The following SLC39A9 variants were observed in gnomAD, a reference collection of about 807,000 sequenced individuals.
SLC39A9 encodes solute carrier family 39 member 9, also known as zinc transporter ZIP9.
A neutral mutation model predicts 28.4 loss-of-function variants in SLC39A9; 14 were observed. That is an observed-to-expected ratio of 0.49 (90% CI 0.33 to 0.77). The LOEUF is 0.77. Among genes scored for constraint, SLC39A9 ranks in the 30% least tolerant of loss-of-function variants. The pLI is 0.02. For synonymous variants in SLC39A9, 119 were observed against 149.6 expected (o/e 0.80, Z 1.49); for missense variants, 283 against 381.1 (o/e 0.74, Z 2.14).
chr14:69,432,187 A>G (rs1025230143), intron 2 of SLC39A9, among the ~76,000 whole-genome samples: 5 of 152,224 alleles, frequency 3.3e-5, no homozygotes, highest in African/African-American at 7.2e-5. Flanking sequence ...TCAACAGTGT[A>G]TAAGTGTTCC....
intron 2 of SLC39A9, among the ~76,000 whole-genome samples, chr14:69,435,690 T>TGAAAATATTTTTTAAAAAATA (rs1884708286): frequency 6.6e-6 from 1 of 152,164 alleles, no homozygotes; most frequent in Non-Finnish European, 1.5e-5. Context: ...CTTTTTTTTT[T>TGAAAATATTTTTTAAAAAATA]GAGACAGGGT....
intron 3 of SLC39A9, among the ~76,000 whole-genome samples, chr14:69,446,947 T>TGAGAGAG (rs1885351534): frequency 1.5e-5 from 2 of 129,352 alleles, no homozygotes; most frequent in Non-Finnish European, 3.1e-5. Flanking sequence ...TATATATATA[T>TGAGAGAG]AGAGAGAGAG....
At chr14:69,417,583 T>C (rs1883647463) in intron 1 of SLC39A9, among the ~76,000 whole-genome samples, 2 of 152,250 alleles carry the variant, frequency 1.3e-5, no homozygotes, top group Non-Finnish European at 2.9e-5. Flanking sequence ...ATTTTCATGA[T>C]ATTGATTCTT....
chr14:69,441,603 A>T (rs916799187), intron 2 of SLC39A9, among the ~76,000 whole-genome samples: 19 of 152,076 alleles, frequency 1.2e-4, no homozygotes, highest in African/African-American at 4.6e-4. Context: ...TTTCTACTCA[A>T]TTTGTTCCTT....
chr14:69,406,196 A>G (rs1882904160), intron 1 of SLC39A9, among the ~76,000 whole-genome samples: 1 of 152,226 alleles, frequency 6.6e-6, no homozygotes, highest in Admixed American at 6.5e-5. Context: ...GTGGAGTAGA[A>G]CTTGAAACTC....
chr14:69,442,285 T>C lies in SLC39A9; in HGVS notation c.403+19T>C. 1 of 1,609,122 alleles carries C rather than the reference T, an allele frequency of 6.2e-7. No homozygotes were observed. The highest frequency in any genetic ancestry group is 8.5e-7 in the Non-Finnish European group (1 of 1,175,592). On this transcript the variant is annotated intron_variant, in intron 3 of 6. Coordinates refer to ENST00000336643, the MANE Select transcript of SLC39A9 (RefSeq NM_018375.5). ...ACTGACGGTGAGTGGCTCCAAGGCT[T>C]TCTGGGCAGTGCAATACATTTGCAG...
chr14:69,458,439 T>TACTC lies in SLC39A9; in HGVS notation c.770_771insACTC (p.Ala258LeufsTer9), dbSNP rs1216718102. ...TTCTCTGCCGGGACATTTCTTTATG[T>TACTC]TGCCACAGTACATGTCCTCCCTGAG... On this transcript the variant is annotated frameshift_variant, in exon 7 of 7. Transcript: ENST00000336643. LOFTEE classifies it high-confidence loss of function. 3 of 1,614,154 alleles carry TACTC rather than the reference T, an allele frequency of 1.9e-6. No individual in the cohort carries two copies. Among genetic ancestry groups the TACTC allele is most frequent in the Non-Finnish European group, 2.5e-6 (3 of 1,180,050 alleles).
chr14:69,410,798 A>G (rs1883220054), intron 1 of SLC39A9, among the ~76,000 whole-genome samples: 1 of 152,068 alleles, frequency 6.6e-6, no homozygotes, highest in African/African-American at 2.4e-5. Flanking sequence ...GAAGGGATCA[A>G]TCTTATGATA....
At chr14:69,439,025 A>G (rs923714245) in intron 2 of SLC39A9, among the ~76,000 whole-genome samples, 2 of 152,242 alleles carry the variant, frequency 1.3e-5, no homozygotes, top group Admixed American at 1.3e-4. Context: ...GATCTTATGC[A>G]TAGAAATACC....
At chr14:69,445,509 T>G (rs370464827) in intron 3 of SLC39A9, among the ~76,000 whole-genome samples, 1 of 152,260 alleles carries the variant, frequency 6.6e-6, no homozygotes, top group African/African-American at 2.4e-5. Flanking sequence ...TTTGTTATCA[T>G]TAAGACTTCT....
At chr14:69,433,552 C>T (rs189664334) in intron 2 of SLC39A9, among the ~76,000 whole-genome samples, 4 of 152,178 alleles carry the variant, frequency 2.6e-5, no homozygotes, top group Non-Finnish European at 4.4e-5. Context: ...AGTGAATTTG[C>T]AATCTTGGCC....
intron 1 of SLC39A9, among the ~76,000 whole-genome samples, 159 bp downstream of exon 1, chr14:69,399,624 G>A (rs1051857921): frequency 3.3e-5 from 5 of 152,128 alleles, no homozygotes; most frequent in Non-Finnish European, 7.3e-5. Flanking sequence ...ATAATAGAAA[G>A]AAACCTCATA....
rs371677690 is a variant in SLC39A9, at chr14:69,410,313, G to A, written c.96+10848G>A. Among the ~76,000 whole-genome samples the A allele has an allele frequency of 1.2e-4, 18 of 152,260 alleles. No homozygotes were observed. In the South Asian group the frequency reaches 3.3e-3, roughly 28 times the overall value. On this transcript the variant is annotated intron_variant, in intron 1 of 6. Transcript: ENST00000336643. ...GGCAACATGGCAGAATTGTAACTTC[G>A]TTCACTGGAACTTTCATTATTCTTG...
In SLC39A9 at chr14:69,425,617, A is replaced by T. The variant is rs117151424; in HGVS notation, c.205+1415A>T. 5.2e-4 allele frequency among the ~76,000 whole-genome samples: 79 copies of T among 151,782 alleles called. 1 individual carries two copies. The East Asian group carries it at 0.015, about 29-fold the overall frequency. On this transcript the variant is annotated intron_variant, in intron 2 of 6. Coordinates refer to ENST00000336643, the MANE Select transcript of SLC39A9 (RefSeq NM_018375.5). ...GTGTTATTTTTAATATCAATTTGAGATATAATTTACATACCCTGTTTCAGG... is the reference window on the plus strand; with the variant it reads ...GTGTTATTTTTAATATCAATTTGAGTTATAATTTACATACCCTGTTTCAGG...
chr14:69,423,326 T>G (rs930683394), intron 1 of SLC39A9, among the ~76,000 whole-genome samples: 1 of 152,190 alleles, frequency 6.6e-6, no homozygotes, highest in African/African-American at 2.4e-5. Context: ...AATTTATAGT[T>G]TATTTAGCCA....
At chr14:69,425,162 C>CT (rs927866676) in intron 2 of SLC39A9, among the ~76,000 whole-genome samples, 1 of 152,190 alleles carries the variant, frequency 6.6e-6, no homozygotes, top group East Asian at 1.9e-4. Context: ...GTGGTCTCTA[C>CT]TTTTTTTATG....
chr14:69,437,841 C>T lies in SLC39A9; in HGVS notation c.206-4228C>T, dbSNP rs141738829. Among the ~76,000 whole-genome samples the T allele has an allele frequency of 2.6e-5, 4 of 152,008 alleles. 1 individual carries two copies. In the East Asian group the frequency reaches 7.8e-4, roughly 30 times the overall value. The stretch of plus-strand genomic sequence containing the variant: ...GACCTCGTGATCCACCTGCCTCAAC[C>T]TCCCAAAGTGCTGGGAAGAGTAACT... On this transcript the variant is annotated intron_variant, in intron 2 of 6. Transcript: ENST00000336643.
intron 2 of SLC39A9, among the ~76,000 whole-genome samples, chr14:69,437,312 T>C (rs1321377739): frequency 6.6e-6 from 1 of 152,202 alleles, no homozygotes; most frequent in African/African-American, 2.4e-5. Context: ...GGGGAGACTT[T>C]CCTGTACTTC....
At chr14:69,448,898 G>A (rs1024820749) in intron 3 of SLC39A9, among the ~76,000 whole-genome samples, 2 of 152,228 alleles carry the variant, frequency 1.3e-5, no homozygotes, top group Non-Finnish European at 2.9e-5. Context: ...AAGAATGTGT[G>A]TGTGTACAGA....
Sources: allele counts gnomAD v4.1 joint callset (sites outside exome capture counted in the v4.1 genomes callset), GRCh38; gene constraint gnomAD v4.1.1; transcripts MANE v1.5; gene names NCBI Gene and HGNC (gene_info 2026-07-23, HGNC 2026-07-21).